ITGA4: variants seen among roughly 807,000 people sequenced by gnomAD.
ITGA4 encodes the protein integrin subunit alpha 4, also known as integrin alpha-4.
ITGA4 carries 63 observed loss-of-function variants against 133.6 expected under a neutral mutation model. The ratio of observed to expected loss-of-function variants is 0.47; its 90% CI spans 0.38 to 0.58. The LOEUF (loss-of-function observed/expected upper bound fraction) is 0.58. Ranked by LOEUF, ITGA4 falls within the 20% of genes least tolerant of loss-of-function variation. ITGA4 has a pLI of 0.00. For synonymous variants in ITGA4, 483 were observed against 438.0 expected, an observed-to-expected ratio of 1.10 and a Z score of -1.28; for missense variants, 1,076 against 1,252.7, an observed-to-expected ratio of 0.86 and a Z score of 2.13.
In ITGA4 at chr2:181,535,629, T is replaced by TTTTACTC; in HGVS notation, c.*103_*109dup. ...AAAAAATGAATTTTGTTTGGACTTC[T>TTTTACTC]TTTACTCATGATCTTGTGACATATT... On this transcript the variant is annotated 3_prime_UTR_variant, in exon 28 of 28. Transcript: ENST00000397033. 7.1e-7 allele frequency: 1 copy of TTTTACTC among 1,414,614 alleles called. No homozygotes were observed. The highest frequency in any genetic ancestry group is 9.5e-7 in the Non-Finnish European group (1 of 1,057,578). The allele number at this position is 1,414,614 out of a possible 1,614,324, so 87.6% of individuals were successfully genotyped here.
Position 181,537,988 on chromosome 2 carries a change from C to T in ITGA4, c.*2461C>T, listed in dbSNP as rs1488229808. The T allele has an allele frequency of 1.5e-6, 1 of 673,332 alleles. No homozygotes were observed. The highest frequency in any genetic ancestry group is 1.8e-5 in the African/African-American group (1 of 56,194). 41.7% of individuals were successfully genotyped at this position (673,332 alleles called of 1,614,324 possible). A position where few individuals can be genotyped will look rare whatever the true frequency, so the allele number is the denominator to read the frequency against. On this transcript the variant is annotated 3_prime_UTR_variant, in exon 28 of 28. Coordinates refer to ENST00000397033, the MANE Select transcript of ITGA4 (RefSeq NM_000885.6). ...CTGGTATGTGAGGGATCTAGAGTGC[C>T]ATGTTCCTCAAGAGAATCTAATGCC... is the stretch of plus-strand genomic sequence containing the variant.
chr2:181,482,734 T>G, intron 9 of ITGA4, 83 bp downstream of exon 9: 2 of 1,307,976 alleles, frequency 1.5e-6, no homozygotes, highest in Non-Finnish European at 2.2e-6. Context: ...GATCTGAGAT[T>G]GTTTTCAGGT....
At chr2:181,462,510 T>C (rs952319542) in intron 2 of ITGA4, among the ~76,000 whole-genome samples, 2 of 152,220 alleles carry the variant, frequency 1.3e-5, no homozygotes, top group African/African-American at 2.4e-5. Flanking sequence ...TATGTTTTTC[T>C]TGATAACTTT....
chr2:181,529,979 A>G (rs1263106453), intron 23 of ITGA4, among the ~76,000 whole-genome samples: 1 of 152,194 alleles, frequency 6.6e-6, no homozygotes, highest in Non-Finnish European at 1.5e-5. Flanking sequence ...AATTCTTCAT[A>G]AAACTTGAAA....
chr2:181,528,341 A>G (rs6757312), intron 22 of ITGA4, among the ~76,000 whole-genome samples: 104,264 of 152,136 alleles, frequency 0.69, 36,160 homozygotes, highest in South Asian at 0.89. Context: ...TTAAAACCCA[A>G]TGGGAGTTTG....
At chr2:181,490,145 C>A (rs532500847) in intron 10 of ITGA4, among the ~76,000 whole-genome samples, 1 of 152,134 alleles carries the variant, frequency 6.6e-6, no homozygotes, top group East Asian at 1.9e-4. Context: ...ATAACATAAC[C>A]AATTAGGTCG....
chr2:181,498,902 T>C (rs1270204026), intron 15 of ITGA4, 125 bp downstream of exon 15: 2 of 1,346,394 alleles, frequency 1.5e-6, no homozygotes, highest in East Asian at 2.8e-5. Context: ...TCCTGAACTA[T>C]GACCTGTTGC....
Position 181,495,664 on chromosome 2 carries a change from C to T in ITGA4, c.1386-119C>T, listed in dbSNP as rs960093128. The T allele has an allele frequency of 3.6e-6, 3 of 831,048 alleles. No homozygotes were observed. Among genetic ancestry groups the T allele is most frequent in the Non-Finnish European group, 5.7e-6 (3 of 526,288 alleles). The allele number at this position is 831,048 out of a possible 1,614,324, so 51.5% of individuals were successfully genotyped here. A position where few individuals can be genotyped will look rare whatever the true frequency, so the allele number is the denominator to read the frequency against. On this transcript the variant is annotated intron_variant, in intron 13 of 27. Transcript: ENST00000397033. This position sits in a 1 kb window ranked among gnomAD's most constrained non-coding sequence, Gnocchi z 4.3. ...TGCACAGAAATGTAATTAGTATGTA[C>T]ACACATAATAAGACTCATGAAATTA...
rs1222442019 is a variant in ITGA4 at position 181,535,554 on chromosome 2, A to AAAAC, written c.*29_*32dup. On this transcript the variant is annotated 3_prime_UTR_variant, in exon 28 of 28. Transcript: ENST00000397033. ...GACTTCTTTCAAATTGAGAGAATGG[A>AAAAC]AAACAGACTCAGGTTGTAGTAAAGA... 1 of 1,576,306 alleles carries AAAAC rather than the reference A, an allele frequency of 6.3e-7. No homozygotes were observed. Among genetic ancestry groups the AAAAC allele is most frequent in the Non-Finnish European group, 8.6e-7 (1 of 1,163,400 alleles).
chr2:181,535,645 G>T lies in ITGA4; in HGVS notation c.*118G>T, dbSNP rs1421351190. ...TTGGACTTCTTTTACTCATGATCTT[G>T]TGACATATTATGTCTTCATGCAAGG... On this transcript the variant is annotated 3_prime_UTR_variant, in exon 28 of 28. Transcript: ENST00000397033. The T allele has an allele frequency of 2.3e-6, 3 of 1,328,990 alleles. No individual in the cohort carries two copies. The East Asian group carries it at 7.2e-5, about 32-fold the overall frequency. 82.3% of individuals were successfully genotyped at this position (1,328,990 alleles called of 1,614,324 possible). A position where few individuals can be genotyped will look rare whatever the true frequency, so the allele number is the denominator to read the frequency against.
At chr2:181,520,463 CA>C (rs1686694451) in intron 17 of ITGA4, among the ~76,000 whole-genome samples, 1 of 151,950 alleles carries the variant, frequency 6.6e-6, no homozygotes, top group Non-Finnish European at 1.5e-5. Flanking sequence ...TGGTTCTCAA[CA>C]GACACCATTA....
At chr2:181,460,527 G>A (rs950456662) in intron 2 of ITGA4, among the ~76,000 whole-genome samples, 7 of 150,982 alleles carry the variant, frequency 4.6e-5, no homozygotes, top group African/African-American at 9.7e-5. Context: ...GAAGTTTCAA[G>A]AGTGTGTGTA....
At position 181,495,976 on chromosome 2, in the gene ITGA4, G is replaced by C; in HGVS notation, c.1540+39G>C. The stretch of plus-strand genomic sequence containing the variant: ...ACAATATTAATGCTTGATGGGGTGC[G>C]GTTCATTCATTAATCCCACAATCCT... On this transcript the variant is annotated intron_variant, in intron 14 of 27. Transcript: ENST00000397033. The surrounding 1 kb of genome is among the most constrained non-coding windows in gnomAD (Gnocchi z 4.3). 1 of 1,593,460 alleles carries C rather than the reference G, an allele frequency of 6.3e-7. No homozygotes were observed. Among genetic ancestry groups the C allele is most frequent in the Non-Finnish European group, 8.6e-7 (1 of 1,166,444 alleles).
At position 181,477,499 on chromosome 2, in the gene ITGA4, C is replaced by T. The variant is rs184613780; in HGVS notation, c.557-1258C>T. On this transcript the variant is annotated intron_variant, in intron 4 of 27. Transcript: ENST00000397033. ...TATAAGGATCTCACCAACTCGATAG[C>T]AAAAAACCAAATAACTGATTAAAAA... 3.0e-3 allele frequency among the ~76,000 whole-genome samples: 461 copies of T among 152,154 alleles called. 2 individuals carry two copies. The highest frequency in any genetic ancestry group is 0.01 in the African/African-American group (421 of 41,542).
intron 4 of ITGA4, chr2:181,475,745 A>T: frequency 2.0e-6 from 3 of 1,526,504 alleles, no homozygotes; most frequent in East Asian, 4.9e-5. Context: ...TCTAATTTAC[A>T]TGTTTTCCTT....
intron 15 of ITGA4, among the ~76,000 whole-genome samples, chr2:181,499,493 A>T (rs185998574): frequency 1.3e-5 from 2 of 152,290 alleles, no homozygotes; most frequent in Admixed American, 1.3e-4. Context: ...CTATTGTCAC[A>T]AAAAACCAAA....
intron 10 of ITGA4, chr2:181,486,457 C>T (rs17224872): frequency 0.38 from 57,385 of 152,546 alleles, 11,081 homozygotes; most frequent in Non-Finnish European, 0.42. Flanking sequence ...GAGCAGGGTT[C>T]TGGAAGCCCC....
chr2:181,487,337 G>A (rs1427264650), intron 10 of ITGA4, among the ~76,000 whole-genome samples: 3 of 152,186 alleles, frequency 2.0e-5, no homozygotes, highest in East Asian at 3.9e-4. Flanking sequence ...TGTTTAAATT[G>A]GAGCTGTAAG....
At chr2:181,482,750 T>C in intron 9 of ITGA4, 99 bp downstream of exon 9, 1 of 1,161,408 alleles carries the variant, frequency 8.6e-7, no homozygotes, top group Non-Finnish European at 1.2e-6. Context: ...CAGGTTTCTT[T>C]TATTGACAAA....
Sources: allele counts gnomAD v4.1 joint callset (sites outside exome capture counted in the v4.1 genomes callset), GRCh38; gene constraint gnomAD v4.1.1; non-coding constraint Gnocchi (gnomAD v3.1); transcripts MANE v1.5; gene names NCBI Gene and HGNC (gene_info 2026-07-23, HGNC 2026-07-21).